Variants in CCSER1 observed in about 807,000 individuals in gnomAD.
CCSER1 encodes the protein coiled-coil serine rich protein 1.
In CCSER1, 41 loss-of-function variants were observed where a neutral mutation model predicts 82.0. The ratio of observed to expected loss-of-function variants is 0.50; its 90% confidence interval spans 0.39 to 0.65. The LOEUF is 0.65. Among genes scored for constraint, CCSER1 ranks in the 30% least tolerant of loss-of-function variants. The pLI, the probability that CCSER1 is intolerant of heterozygous loss-of-function variation, is 0.00. For missense variants in CCSER1, 1,119 were observed against 1,064.2 expected (o/e 1.05, Z -0.72); for synonymous variants, 414 against 383.9 (o/e 1.08, Z -0.92).
intron 10 of CCSER1, among the ~76,000 whole-genome samples, chr4:91,314,174 G>A (rs541315429): frequency 6.6e-6 from 1 of 152,036 alleles, no homozygotes; most frequent in African/African-American, 2.4e-5. Context: ...GAAAACAAGT[G>A]GTAAATAAGT....
At chr4:91,364,659 G>T (rs1266695528) in intron 10 of CCSER1, among the ~76,000 whole-genome samples, 1 of 151,918 alleles carries the variant, frequency 6.6e-6, no homozygotes, top group Non-Finnish European at 1.5e-5. Context: ...ATTTTATTAA[G>T]TCTTTCTCTT....
intron 1 of CCSER1, among the ~76,000 whole-genome samples, chr4:90,228,479 A>G (rs1189075576): frequency 1.3e-5 from 2 of 152,186 alleles, no homozygotes; most frequent in African/African-American, 2.4e-5. Context: ...GTATATCACC[A>G]TCATCAAAGA....
chr4:91,114,754 T>G (rs913127007), intron 10 of CCSER1, among the ~76,000 whole-genome samples: 2 of 152,242 alleles, frequency 1.3e-5, no homozygotes, highest in Non-Finnish European at 1.5e-5. Flanking sequence ...TCAATTTCAG[T>G]ATCTCATCAG....
At chr4:90,536,025 C>A (rs1301139164) in intron 5 of CCSER1, among the ~76,000 whole-genome samples, 3 of 139,208 alleles carry the variant, frequency 2.2e-5, no homozygotes, top group Non-Finnish European at 4.6e-5. Flanking sequence ...CTTTTTCTTT[C>A]TTTCTGTTTT....
At chr4:90,285,158 A>G (rs1176793320) in intron 1 of CCSER1, among the ~76,000 whole-genome samples, 1 of 151,816 alleles carries the variant, frequency 6.6e-6, no homozygotes, top group Non-Finnish European at 1.5e-5. Flanking sequence ...TATAAATTTT[A>G]ATTTTTTTCT....
At chr4:91,535,192 G>A (rs1394376612) in intron 10 of CCSER1, among the ~76,000 whole-genome samples, 6 of 151,890 alleles carry the variant, frequency 4.0e-5, no homozygotes, top group Non-Finnish European at 7.4e-5. Context: ...ATAAGTTATT[G>A]TATGTTACAT....
intron 6 of CCSER1, among the ~76,000 whole-genome samples, chr4:90,644,463 A>G (rs2149001609): frequency 6.6e-6 from 1 of 151,880 alleles, no homozygotes; most frequent in Non-Finnish European, 1.5e-5. Context: ...TATTTTTTTT[A>G]TTTAATTTAA....
chr4:90,392,680 T>TGAGGC (rs1751387550), intron 3 of CCSER1, among the ~76,000 whole-genome samples: 1 of 127,082 alleles, frequency 7.9e-6, no homozygotes, highest in South Asian at 2.3e-4. Flanking sequence ...GTAATGGGAC[T>TGAGGC]TGCCTCCAGA....
rs146354145 is a variant in CCSER1, at chr4:91,107,019, C to A, written c.2217+21025C>A. 8.6e-5 allele frequency among the ~76,000 whole-genome samples: 13 copies of A among 152,012 alleles called. No individual in the cohort carries two copies. The East Asian group carries it at 2.5e-3, about 29-fold the overall frequency. On this transcript the variant is annotated intron_variant, in intron 10 of 10. Coordinates refer to ENST00000509176, the MANE Select transcript of CCSER1 (RefSeq NM_001145065.2). ...CCCTATACTGGTGTATTTTTTTTAT[C>A]TTTGATAACATATTTTCACTGTAGC...
At chr4:91,593,320 G>T (rs893556206) in intron 10 of CCSER1, among the ~76,000 whole-genome samples, 2 of 151,832 alleles carry the variant, frequency 1.3e-5, no homozygotes, top group African/African-American at 4.8e-5. Context: ...TGCTACATTT[G>T]TTACTAAAGA....
intron 9 of CCSER1, among the ~76,000 whole-genome samples, chr4:91,030,033 C>A (rs988142721): frequency 6.6e-5 from 10 of 151,868 alleles, no homozygotes; most frequent in African/African-American, 2.4e-4. Context: ...ATAATAAAAA[C>A]AAGTCATAAA....
chr4:91,175,796 T>G (rs1183647910), intron 10 of CCSER1, among the ~76,000 whole-genome samples: 3 of 152,236 alleles, frequency 2.0e-5, no homozygotes, highest in Admixed American at 6.5e-5. Flanking sequence ...CTGATGGTGG[T>G]TTCTTTTGCT....
chr4:91,420,948 C>T (rs971691974), intron 10 of CCSER1, among the ~76,000 whole-genome samples: 1 of 152,094 alleles, frequency 6.6e-6, no homozygotes, highest in African/African-American at 2.4e-5. Flanking sequence ...GTGAAATAGC[C>T]AGAGACAGAA....
intron 10 of CCSER1, among the ~76,000 whole-genome samples, chr4:91,327,998 C>T (rs914305585): frequency 1.3e-5 from 2 of 152,288 alleles, no homozygotes; most frequent in South Asian, 4.1e-4. Context: ...CTTCATTATC[C>T]ATGTAACTAT....
At chr4:91,080,127 C>G (rs998905475) in intron 9 of CCSER1, among the ~76,000 whole-genome samples, 1 of 152,184 alleles carries the variant, frequency 6.6e-6, no homozygotes, top group Non-Finnish European at 1.5e-5. Context: ...CTTCTAAGCA[C>G]CACATCACAC....
chr4:91,112,311 A>T (rs4693263), intron 10 of CCSER1, among the ~76,000 whole-genome samples: 14,498 of 151,868 alleles, frequency 0.095, 930 homozygotes, highest in East Asian at 0.27. Flanking sequence ...TTTCTGAGTA[A>T]TCTCATACCT....
At chr4:90,353,255 A>G (rs1561080590) in intron 3 of CCSER1, among the ~76,000 whole-genome samples, 1 of 152,192 alleles carries the variant, frequency 6.6e-6, no homozygotes, top group Non-Finnish European at 1.5e-5. Context: ...ACATATAGCT[A>G]GAGTGAAGAA....
chr4:91,451,322 C>A (rs1310084918), intron 10 of CCSER1, among the ~76,000 whole-genome samples: 1 of 151,924 alleles, frequency 6.6e-6, no homozygotes, highest in Non-Finnish European at 1.5e-5. Context: ...CAAATTAGTC[C>A]TAGAAGTAAA....
At chr4:91,189,293 T>C (rs1482294158) in intron 10 of CCSER1, among the ~76,000 whole-genome samples, 1 of 152,206 alleles carries the variant, frequency 6.6e-6, no homozygotes, top group Non-Finnish European at 1.5e-5. Context: ...AGAATCCAAG[T>C]ATTCTAAGAG....
Sources: gnomAD v4.1 joint callset for allele counts (sites outside exome capture counted in the v4.1 genomes callset) on GRCh38, gnomAD v4.1.1 for gene constraint, MANE v1.5 for transcripts, NCBI Gene and HGNC (gene_info 2026-07-23, HGNC 2026-07-21) for gene names.